Variants in OR56A3 observed in about 807,000 individuals in gnomAD.
The protein encoded by OR56A3 is olfactory receptor family 56 subfamily A member 3.
In OR56A3, 23 loss-of-function variants were observed where a neutral mutation model predicts 17.5. That is an observed-to-expected ratio of 1.32 (90% CI 0.95 to 1.87). OR56A3 has a LOEUF of 1.87. OR56A3 is among the 40% of genes most tolerant of loss of function. OR56A3 has a pLI of 0.00. For synonymous variants in OR56A3, 175 were observed against 150.6 expected, an observed-to-expected ratio of 1.16 and a Z score of -1.19; for missense variants, 366 against 380.1, an observed-to-expected ratio of 0.96 and a Z score of 0.31.
chr11:6,012,102 G>A, the OR56A3 span, among the ~76,000 whole-genome samples: 1 of 152,214 alleles, frequency 6.6e-6, no homozygotes, highest in Non-Finnish European at 1.5e-5. Flanking sequence ...GCATGTTTCA[G>A]CCCTATTTCT....
chr11:5,964,936 C>T, the OR56A3 span, among the ~76,000 whole-genome samples: 4 of 152,134 alleles, frequency 2.6e-5, no homozygotes, highest in Non-Finnish European at 5.9e-5. Flanking sequence ...GTCCTTCCTA[C>T]CTTCTTCAAT....
intron 1 of OR56A3, among the ~76,000 whole-genome samples, chr11:5,943,045 GCC>G (rs1847848373): frequency 2.6e-5 from 4 of 152,178 alleles, no homozygotes; most frequent in African/African-American, 9.7e-5. Context: ...GCCCTAGTGT[GCC>G]ATTGGCAAGT....
chr11:6,001,524 C>G, the OR56A3 span: 1 of 152,484 alleles, frequency 6.6e-6, no homozygotes, highest in African/African-American at 2.4e-5. Context: ...GCCTCAGGTG[C>G]CATGGAAGAG....
the OR56A3 span, among the ~76,000 whole-genome samples, chr11:6,011,204 T>TATACACATATATATA: frequency 8.2e-6 from 1 of 122,524 alleles, no homozygotes; most frequent in East Asian, 2.1e-4. Flanking sequence ...GAGATTTATT[T>TATACACATATATATA]TATATATATA....
the OR56A3 span, among the ~76,000 whole-genome samples, chr11:5,970,974 A>G: frequency 5.6e-3 from 852 of 152,318 alleles, 10 homozygotes; most frequent in African/African-American, 0.018. Flanking sequence ...GAAAATATTA[A>G]CCAAAGAAAC....
the OR56A3 span, chr11:5,967,766 A>T: frequency 3.8e-6 from 6 of 1,598,236 alleles, no homozygotes; most frequent in Non-Finnish European, 5.1e-6. Context: ...GGGAACCACA[A>T]GTACCTAGAG....
the OR56A3 span, chr11:6,019,452 A>C: frequency 1.3e-5 from 2 of 152,258 alleles, no homozygotes; most frequent in African/African-American, 4.8e-5. Flanking sequence ...TGGGCAATTT[A>C]CAAAAGAAAT....
chr11:5,967,268 T>C, the OR56A3 span: 1 of 339,760 alleles, frequency 2.9e-6, no homozygotes. Flanking sequence ...TTGAAAACCA[T>C]ACAATTCTAA....
chr11:5,949,378 T>A lies in OR56A3; in HGVS notation c.*1084T>A, dbSNP rs1847895016. ...CTTGGTCCTGTAAGGAAACATTAGA[T>A]AAAGAGAAGGTCTGGGCAGTAGGCC... is the stretch of plus-strand genomic sequence containing the variant. On this transcript the variant is annotated 3_prime_UTR_variant, in exon 3 of 3. Transcript: ENST00000641160. 1 of 152,128 alleles carries A rather than the reference T, an allele frequency of 6.6e-6. No homozygotes were observed. Among genetic ancestry groups the A allele is most frequent in the African/African-American group, 2.4e-5 (1 of 41,416 alleles). 9.4% of individuals were successfully genotyped at this position (152,128 alleles called of 1,614,324 possible).
At chr11:6,008,127 G>A in the OR56A3 span, among the ~76,000 whole-genome samples, 3 of 152,290 alleles carry the variant, frequency 2.0e-5, no homozygotes, top group Middle Eastern at 3.4e-3. Context: ...CTCTCCTGAA[G>A]AATATTCAGG....
the OR56A3 span, among the ~76,000 whole-genome samples, chr11:5,991,440 G>C: frequency 5.9e-5 from 9 of 152,186 alleles, no homozygotes; most frequent in Admixed American, 1.3e-4. Context: ...GAGAGGGACA[G>C]GTCACATTTC....
At chr11:6,015,598 G>T in the OR56A3 span, among the ~76,000 whole-genome samples, 1 of 152,228 alleles carries the variant, frequency 6.6e-6, no homozygotes, top group Non-Finnish European at 1.5e-5. Flanking sequence ...AAGCCACAGG[G>T]GCAGAGCTGT....
At chr11:5,986,194 A>C in the OR56A3 span, 5 of 1,613,708 alleles carry the variant, frequency 3.1e-6, no homozygotes, top group East Asian at 1.1e-4. Flanking sequence ...ACTCCCTGGT[A>C]CCTTCAGCAC....
the OR56A3 span, chr11:5,986,273 T>A: frequency 6.2e-7 from 1 of 1,613,946 alleles, no homozygotes; most frequent in African/African-American, 1.3e-5. Flanking sequence ...AGCAAGGCCA[T>A]AGTCAGCCCA....
chr11:5,970,222 TA>T, the OR56A3 span, among the ~76,000 whole-genome samples: 2 of 152,178 alleles, frequency 1.3e-5, no homozygotes, highest in Admixed American at 6.5e-5. Context: ...CATAGGACTT[TA>T]AATAGATATA....
rs1443141870 is a variant in OR56A3, at chr11:5,948,257, A to G, written c.911A>G (p.Lys304Arg). Residue 304 changes from lysine (K) to arginine (R), a missense_variant, in exon 3 of 3, where the codon AAG (lysine) becomes AGG (arginine). Transcript: ENST00000641160. ...TACGGGGTGAGAACCCAAGAAATTA[A>G]GCAGGGAATGCAGAGGTTGTTGAAG... ...IIYGVRTQEI[K>R]QGMQRLLKKG... 1 of 1,614,192 alleles carries G rather than the reference A, an allele frequency of 6.2e-7. No individual in the cohort carries two copies. The highest frequency in any genetic ancestry group is 1.1e-5 in the South Asian group (1 of 91,084).
At chr11:5,945,394 G>A (rs774217061) in intron 2 of OR56A3, among the ~76,000 whole-genome samples, 1 of 151,946 alleles carries the variant, frequency 6.6e-6, no homozygotes, top group Non-Finnish European at 1.5e-5. Flanking sequence ...CCAACATGGT[G>A]AAACCCCATC....
the OR56A3 span, among the ~76,000 whole-genome samples, chr11:5,996,771 T>C: frequency 1.3e-5 from 2 of 152,254 alleles, no homozygotes; most frequent in East Asian, 3.8e-4. Flanking sequence ...TCTAGAGACA[T>C]TGGCTTTGTT....
downstream of OR56A3, among the ~76,000 whole-genome samples, chr11:5,951,890 A>C (rs1004602609): frequency 3.3e-5 from 5 of 152,196 alleles, no homozygotes; most frequent in Non-Finnish European, 7.3e-5. Context: ...TAATTTTAGA[A>C]AATGTTATGA....
Sources: allele counts gnomAD v4.1 joint callset (sites outside exome capture counted in the v4.1 genomes callset), GRCh38; gene constraint gnomAD v4.1.1; transcripts MANE v1.5; gene names NCBI Gene and HGNC (gene_info 2026-07-23, HGNC 2026-07-21).